The following ADGRB3 variants were observed in gnomAD, a reference collection of about 807,000 sequenced individuals.
ADGRB3 encodes brain-specific angiogenesis inhibitor 3.
ADGRB3 carries 37 observed loss-of-function variants against 193.4 expected under a neutral mutation model. The ratio of observed to expected loss-of-function variants is 0.19; its 90% confidence interval spans 0.15 to 0.25. ADGRB3 has a LOEUF of 0.25. ADGRB3 is among the 10% of genes least tolerant of loss of function. ADGRB3 has a pLI of 1.00. For missense variants in ADGRB3, 1,637 were observed against 1,852.9 expected (o/e 0.88, Z 2.14); for synonymous variants, 690 against 644.2 (o/e 1.07, Z -1.08).
At chr6:68,828,187 C>CTT (rs34629272) in intron 3 of ADGRB3, among the ~76,000 whole-genome samples, 102 of 149,656 alleles carry the variant, frequency 6.8e-4, no homozygotes, top group African/African-American at 2.4e-3. Flanking sequence ...ATACAGGTGC[C>CTT]TTTTTTTTTT....
chr6:69,030,189 T>C (rs892685158), intron 13 of ADGRB3, among the ~76,000 whole-genome samples: 4 of 152,084 alleles, frequency 2.6e-5, no homozygotes, highest in Non-Finnish European at 4.4e-5. Context: ...GTTCAACCAT[T>C]GTGGAAGACA....
intron 3 of ADGRB3, among the ~76,000 whole-genome samples, chr6:68,654,966 G>A (rs1480962571): frequency 6.6e-6 from 1 of 151,346 alleles, no homozygotes; most frequent in Non-Finnish European, 1.5e-5. Context: ...GTTTCTAAAA[G>A]TGAAAACAAA....
intron 27 of ADGRB3, among the ~76,000 whole-genome samples, chr6:69,354,537 A>C (rs1480797859): frequency 6.6e-6 from 1 of 152,026 alleles, no homozygotes; most frequent in Admixed American, 6.5e-5. Context: ...TGGGGTGTTG[A>C]GTGTGGGAGT....
intron 3 of ADGRB3, among the ~76,000 whole-genome samples, chr6:68,684,600 G>A (rs1764950548): frequency 6.6e-6 from 1 of 152,022 alleles, no homozygotes; most frequent in Non-Finnish European, 1.5e-5. Context: ...CCTTTATTAA[G>A]AGGAACTTGA....
At chr6:68,812,664 G>A (rs2127376345) in intron 3 of ADGRB3, among the ~76,000 whole-genome samples, 1 of 152,142 alleles carries the variant, frequency 6.6e-6, no homozygotes, top group Non-Finnish European at 1.5e-5. Flanking sequence ...GATTGCTACT[G>A]TAAGTTCTTT....
At chr6:69,181,255 TA>T (rs1452864039) in intron 17 of ADGRB3, among the ~76,000 whole-genome samples, 1 of 152,116 alleles carries the variant, frequency 6.6e-6, no homozygotes, top group African/African-American at 2.4e-5. Flanking sequence ...TTTCTATTTC[TA>T]AGGGCTGAAG....
At chr6:69,011,274 G>A (rs1346305518) in intron 11 of ADGRB3, among the ~76,000 whole-genome samples, 8 of 151,714 alleles carry the variant, frequency 5.3e-5, no homozygotes, top group South Asian at 4.2e-4. Context: ...GCACATGTAC[G>A]CTATGGAATA....
chr6:69,079,877 C>A (rs1402721414), intron 17 of ADGRB3, among the ~76,000 whole-genome samples: 1 of 152,060 alleles, frequency 6.6e-6, no homozygotes, highest in African/African-American at 2.4e-5. Flanking sequence ...TTCGTTAATC[C>A]ATTTGTAATT....
chr6:69,178,908 G>A (rs1177218061), intron 17 of ADGRB3, among the ~76,000 whole-genome samples: 1 of 152,100 alleles, frequency 6.6e-6, no homozygotes, highest in Non-Finnish European at 1.5e-5. Flanking sequence ...TAGATAGCCT[G>A]GTGACTATAT....
chr6:69,375,253 A>T (rs1363241916), intron 30 of ADGRB3, among the ~76,000 whole-genome samples: 1 of 152,104 alleles, frequency 6.6e-6, no homozygotes, highest in African/African-American at 2.4e-5. Context: ...TCTAGGTTTT[A>T]AAAAGATGAG....
intron 20 of ADGRB3, among the ~76,000 whole-genome samples, chr6:69,301,384 C>T (rs1332304528): frequency 2.0e-5 from 3 of 151,814 alleles, no homozygotes; most frequent in Non-Finnish European, 4.4e-5. Context: ...TGCATAGCCA[C>T]CTCCTGTTGC....
chr6:69,094,480 A>T (rs1002977648), intron 17 of ADGRB3, among the ~76,000 whole-genome samples: 1 of 152,222 alleles, frequency 6.6e-6, no homozygotes, highest in Non-Finnish European at 1.5e-5. Context: ...CTAACACACA[A>T]ATGCTAATTA....
chr6:69,003,784 T>G lies in ADGRB3; in HGVS notation c.1929+9822T>G, dbSNP rs75728236. Among the ~76,000 whole-genome samples the G allele has an allele frequency of 7.7e-3, 1,178 of 152,278 alleles. 18 individuals are homozygous for G. Among genetic ancestry groups the G allele is most frequent in the African/African-American group, 0.027 (1,125 of 41,552 alleles). ...ATCTTGCTTCACAACCCAACATGGT[T>G]AAATCCTACCGTGAACGAATCTGGA... On this transcript the variant is annotated intron_variant, in intron 11 of 31. Coordinates refer to ENST00000370598, the MANE Select transcript of ADGRB3 (RefSeq NM_001704.3).
At chr6:69,239,010 T>G in intron 19 of ADGRB3, 114 bp from the exon 20 acceptor site, 2 of 512,824 alleles carry the variant, frequency 3.9e-6, no homozygotes, top group Non-Finnish European at 6.9e-6. Flanking sequence ...TTTGTAAATA[T>G]TCCTGTGCTA....
chr6:69,180,050 A>G (rs991472185), intron 17 of ADGRB3, among the ~76,000 whole-genome samples: 2 of 152,218 alleles, frequency 1.3e-5, no homozygotes, highest in African/African-American at 4.8e-5. Context: ...ATACTGAGGG[A>G]CTATCCAGTG....
chr6:68,775,145 T>TAAACAAAA lies in ADGRB3; in HGVS notation c.757+135716_757+135717insCAAAAAAA, dbSNP rs1554191996. 1.7e-3 allele frequency among the ~76,000 whole-genome samples: 194 copies of TAAACAAAA among 115,650 alleles called. 1 individual carries two copies. Among genetic ancestry groups the TAAACAAAA allele is most frequent in the African/African-American group, 6.5e-3 (187 of 28,936 alleles). The allele number at this position is 115,650 out of a possible 152,430, so 75.9% of individuals were successfully genotyped here. A position where few individuals can be genotyped will look rare whatever the true frequency, so the allele number is the denominator to read the frequency against. ...TCCATAGCTCTGACAAGCTGCTTGT[T>TAAACAAAA]AAAAAAAAAAAAAAAAGTCTTTTAA... is the stretch of plus-strand genomic sequence containing the variant. On this transcript the variant is annotated intron_variant, in intron 3 of 31. Transcript: ENST00000370598.
rs139847522 is a variant in ADGRB3 at position 68,733,036 on chromosome 6, T to C, written c.757+93604T>C. On this transcript the variant is annotated intron_variant, in intron 3 of 31. Transcript: ENST00000370598. Reference sequence around the variant, plus strand: ...GAGAACCACTATTTACCACCATCTTTATAATAATTTTGATTTTACAGTATG... The same window carrying C: ...GAGAACCACTATTTACCACCATCTTCATAATAATTTTGATTTTACAGTATG... Among the ~76,000 whole-genome samples, 287 of 151,824 alleles carry C rather than the reference T, an allele frequency of 1.9e-3. 3 individuals are homozygous for C. The highest frequency in any genetic ancestry group is 6.8e-3 in the Middle Eastern group (2 of 294).
chr6:68,850,482 G>C (rs1220086334), intron 3 of ADGRB3, among the ~76,000 whole-genome samples: 1 of 151,904 alleles, frequency 6.6e-6, no homozygotes, highest in African/African-American at 2.4e-5. Context: ...TCTCCTGTTA[G>C]GTGACACTTT....
intron 15 of ADGRB3, among the ~76,000 whole-genome samples, chr6:69,052,041 C>G (rs1448701074): frequency 6.6e-6 from 1 of 152,176 alleles, no homozygotes; most frequent in African/African-American, 2.4e-5. Flanking sequence ...CAGGCGCCCA[C>G]CACCACGCCG....
Sources: gnomAD v4.1 joint callset for allele counts (sites outside exome capture counted in the v4.1 genomes callset) on GRCh38, gnomAD v4.1.1 for gene constraint, MANE v1.5 for transcripts, NCBI Gene and HGNC (gene_info 2026-07-23, HGNC 2026-07-21) for gene names.